The following TCOF1 variants were observed in gnomAD, a reference collection of about 807,000 sequenced individuals.
TCOF1 encodes the protein treacle protein.
A neutral mutation model predicts 149.0 loss-of-function variants in TCOF1; 33 were observed. The observed-to-expected ratio is 0.22, with a 90% CI of 0.17 to 0.30. The LOEUF (loss-of-function observed/expected upper bound fraction) is 0.30, where lower values mean the gene tolerates loss of function less well. Ranked by LOEUF, TCOF1 falls within the 10% of genes least tolerant of loss-of-function variation. TCOF1 has a pLI of 1.00. For missense variants in TCOF1, 1,728 were observed against 1,840.7 expected, an observed-to-expected ratio of 0.94 and a Z score of 1.12; for synonymous variants, 789 against 738.8, an observed-to-expected ratio of 1.07 and a Z score of -1.10.
In TCOF1 at chr5:150,376,186, C is replaced by G; in HGVS notation, c.1998C>G (p.Pro666=). ...CTGTGCGAGTGGGCACCCAAGCCCC[C>G]CGGAAAGCAGGAACTGCGACTTCTC... ...VAPVRVGTQA[P]RKAGTATSPA... is the part of the protein sequence containing the mutation. The change falls in exon 13 of 27, where the codon CCC becomes CCG. Residue 666 remains proline (P), a synonymous_variant. Transcript: ENST00000643257. The G allele has an allele frequency of 6.2e-7, 1 of 1,614,176 alleles. No individual in the cohort carries two copies. Among genetic ancestry groups the G allele is most frequent in the Non-Finnish European group, 8.5e-7 (1 of 1,180,016 alleles).
chr5:150,367,322 T>G (rs1263250943), intron 3 of TCOF1, among the ~76,000 whole-genome samples: 3 of 152,098 alleles, frequency 2.0e-5, no homozygotes, highest in Admixed American at 6.5e-5. Flanking sequence ...AAATAAGCAC[T>G]GAGAATCAGT....
At position 150,379,239 on chromosome 5, in the gene TCOF1, C is replaced by T. The variant is rs745370119; in HGVS notation, c.2489C>T (p.Pro830Leu). The change falls in exon 16 of 27, where the codon CCA (proline) becomes CTA (leucine). Residue 830 changes from proline (P) to leucine (L), a missense_variant. Physicochemically the swap from Pro to Leu is moderately conservative, Grantham distance 98. Coordinates refer to ENST00000643257, the MANE Select transcript of TCOF1 (RefSeq NM_001371623.1). Reference protein sequence around the residue: ...KQRSPSKVKPPVRNPQNSTVL... With the variant: ...KQRSPSKVKPLVRNPQNSTVL... ...CCCCCTGCAATTCAGGTGAAGCCAC[C>T]AGTGAGAAACCCCCAGAACAGTACC... The T allele has an allele frequency of 1.5e-5, 24 of 1,614,210 alleles. No homozygotes were observed. Among genetic ancestry groups the T allele is most frequent in the Non-Finnish European group, 2.0e-5 (24 of 1,180,034 alleles).
At chr5:150,381,440 G>A (rs1366725198) in intron 17 of TCOF1, among the ~76,000 whole-genome samples, 1 of 152,216 alleles carries the variant, frequency 6.6e-6, no homozygotes, top group Non-Finnish European at 1.5e-5. Flanking sequence ...TCTCTGAGAG[G>A]CCAGAAAAGG....
intron 24 of TCOF1, 77 bp from the exon 25 acceptor site, chr5:150,398,277 C>T (rs1768999207): frequency 6.2e-7 from 1 of 1,603,972 alleles, no homozygotes; most frequent in Non-Finnish European, 8.5e-7. Context: ...GAGCCCTGCC[C>T]TGTGCACCTC....
At chr5:150,386,238 T>C (rs1766270167) in intron 17 of TCOF1, among the ~76,000 whole-genome samples, 1 of 152,232 alleles carries the variant, frequency 6.6e-6, no homozygotes, top group Non-Finnish European at 1.5e-5. Context: ...AGGCTTTTGC[T>C]GCTGAGCTGC....
intron 3 of TCOF1, chr5:150,367,438 C>T: frequency 4.4e-6 from 1 of 228,230 alleles, no homozygotes; most frequent in South Asian, 6.2e-5. Flanking sequence ...AGGCTGGCTG[C>T]CTGCCTGACC....
chr5:150,366,692 G>A (rs1761433991), intron 3 of TCOF1, among the ~76,000 whole-genome samples: 1 of 19,262 alleles, frequency 5.2e-5, no homozygotes, highest in East Asian at 9.6e-4. Flanking sequence ...CTGTCGCCCA[G>A]GTCGGACTGC....
At chr5:150,369,024 G>C in intron 5 of TCOF1, 122 bp downstream of exon 5, 2 of 1,298,668 alleles carry the variant, frequency 1.5e-6, no homozygotes, top group South Asian at 1.3e-5. Flanking sequence ...GGACAGCCAG[G>C]TTCCTGCATC....
chr5:150,375,028 T>G lies in TCOF1; in HGVS notation c.1353T>G (p.Ala451=), dbSNP rs774793180. 5.0e-6 allele frequency: 8 copies of G among 1,613,852 alleles called. No homozygotes were observed. In the African/African-American group the frequency reaches 6.7e-5, roughly 13 times the overall value. The part of the protein sequence containing the change: ...APAKESPRKG[A]APAPPRKTGP... ...CCAAGGAGTCCCCCAGGAAAGGGGCTGCCCCAGCACCTCCTAGGAAAACAG... is the reference window on the plus strand; with the variant it reads ...CCAAGGAGTCCCCCAGGAAAGGGGCGGCCCCAGCACCTCCTAGGAAAACAG... Residue 451 remains alanine, a synonymous_variant, in exon 10 of 27, where the codon GCT becomes GCG. Transcript: ENST00000643257.
intron 1 of TCOF1, among the ~76,000 whole-genome samples, chr5:150,359,013 G>A (rs1759357829): frequency 6.6e-6 from 1 of 151,984 alleles, no homozygotes; most frequent in South Asian, 2.1e-4. Flanking sequence ...TCCAGCCTGG[G>A]CAACAGAGCA....
At chr5:150,390,657 G>C (rs1767225753) in intron 19 of TCOF1, among the ~76,000 whole-genome samples, 1 of 151,998 alleles carries the variant, frequency 6.6e-6, no homozygotes, top group Non-Finnish European at 1.5e-5. Flanking sequence ...CCTGAGGGGT[G>C]GGCTAAGGGG....
At chr5:150,382,161 T>C (rs1232318221) in intron 17 of TCOF1, among the ~76,000 whole-genome samples, 7 of 149,190 alleles carry the variant, frequency 4.7e-5, no homozygotes, top group Non-Finnish European at 8.9e-5. Flanking sequence ...CAAGACTCCA[T>C]CTCAAAAAAA....
chr5:150,396,415 C>G lies in TCOF1; in HGVS notation c.3918C>G (p.Pro1306=), dbSNP rs1768523696. 2 of 1,613,930 alleles carry G rather than the reference C, an allele frequency of 1.2e-6. No homozygotes were observed. Among genetic ancestry groups the G allele is most frequent in the Non-Finnish European group, 1.7e-6 (2 of 1,180,040 alleles). ...AGTGCCTCCTGGGCCAACCCTGGCC[C>G]CTGAATGAGGCCCAGGTGCAGGCCT... ...ITQCLLGQPW[P]LNEAQVQASV... is the part of the protein sequence containing the mutation. The change falls in exon 24 of 27, where the codon CCC becomes CCG. Residue 1306 remains proline (P), a synonymous_variant. Coordinates refer to ENST00000643257, the MANE Select transcript of TCOF1 (RefSeq NM_001371623.1).
At chr5:150,384,206 C>A (rs41287128) in intron 17 of TCOF1, 1 of 1,004,870 alleles carries the variant, frequency 1.0e-6, no homozygotes, top group Non-Finnish European at 1.2e-6. Flanking sequence ...CACTGCCTCT[C>A]ACTTTCCAAT....
chr5:150,374,546 C>T (rs1763273644), intron 8 of TCOF1, 71 bp from the exon 9 acceptor site: 6 of 1,605,986 alleles, frequency 3.7e-6, no homozygotes, highest in Admixed American at 3.3e-5. Flanking sequence ...ATCTGGTCTT[C>T]TGTACGTGGT....
intron 17 of TCOF1, chr5:150,384,723 G>T: frequency 1.0e-6 from 1 of 985,490 alleles, no homozygotes; most frequent in Non-Finnish European, 1.2e-6. Context: ...CATTCCCCCA[G>T]GAGGATTCGG....
intron 3 of TCOF1, among the ~76,000 whole-genome samples, chr5:150,365,486 C>A (rs948562866): frequency 6.6e-6 from 1 of 151,922 alleles, no homozygotes; most frequent in African/African-American, 2.4e-5. Flanking sequence ...GTTGTCCTAC[C>A]CTGTTCCCTA....
At chr5:150,361,304 GT>G (rs1204073570) in intron 2 of TCOF1, 93 bp downstream of exon 2, 3 of 1,464,686 alleles carry the variant, frequency 2.0e-6, no homozygotes, top group Non-Finnish European at 1.9e-6. Flanking sequence ...TCTAAGATCT[GT>G]CCCCATAGCC....
chr5:150,397,965 C>G (rs988491250), intron 24 of TCOF1, among the ~76,000 whole-genome samples: 1 of 152,146 alleles, frequency 6.6e-6, no homozygotes, highest in Non-Finnish European at 1.5e-5. Flanking sequence ...CTCTGTCACC[C>G]AGGCTGGAGT....
Sources: gnomAD v4.1 joint callset for allele counts (sites outside exome capture counted in the v4.1 genomes callset) on GRCh38, gnomAD v4.1.1 for gene constraint, MANE v1.5 for transcripts, NCBI Gene and HGNC (gene_info 2026-07-23, HGNC 2026-07-21) for gene names.